Variants in CHI3L2 observed in about 807,000 individuals in gnomAD.
The protein encoded by CHI3L2 is chitinase-3-like protein 2.
In CHI3L2, 47 loss-of-function variants were observed where a neutral mutation model predicts 47.3. The observed-to-expected ratio is 0.99, with a 90% CI of 0.79 to 1.27. CHI3L2 has a LOEUF of 1.27. Ranked by LOEUF, CHI3L2 falls within the 50% of genes most tolerant of loss-of-function variation. CHI3L2 has a pLI of 0.00. For missense variants in CHI3L2, 497 were observed against 462.1 expected (o/e 1.08, Z -0.69); for synonymous variants, 198 against 169.9 (o/e 1.17, Z -1.28).
chr1:111,238,929 T>C lies in CHI3L2; in HGVS notation c.915T>C (p.Tyr305=), dbSNP rs751297966. The change falls in exon 8 of 11, where the codon TAT becomes TAC. Residue 305 remains tyrosine (Y), a synonymous_variant. Coordinates refer to ENST00000369748, the MANE Select transcript of CHI3L2 (RefSeq NM_004000.3). ...AGTCTTCAGGCTTCCTGGCCTATTATGAGGTACCTGGAAACCCCCTGTACC... is the reference window on the plus strand; with the variant it reads ...AGTCTTCAGGCTTCCTGGCCTATTACGAGGTACCTGGAAACCCCCTGTACC... ...ITESSGFLAY[Y]EICQFLKGAK... 21 of 1,590,304 alleles carry C rather than the reference T, an allele frequency of 1.3e-5. 1 individual carries two copies. In the South Asian group the frequency reaches 2.4e-4, roughly 18 times the overall value.
intron 2 of CHI3L2, 90 bp from the exon 3 acceptor site, chr1:111,230,652 G>A (rs1449608129): frequency 2.8e-6 from 3 of 1,067,098 alleles, no homozygotes; most frequent in African/African-American, 1.6e-5. Flanking sequence ...AGCAAATGAT[G>A]CAATGGCTGT....
At chr1:111,239,272 T>C (rs887893402) in intron 8 of CHI3L2, 2 of 214,336 alleles carry the variant, frequency 9.3e-6, no homozygotes, top group Non-Finnish European at 1.8e-5. Context: ...TAGGGAAGAC[T>C]GGAGGGAGAA....
chr1:111,242,196 A>C (rs1335616938), intron 9 of CHI3L2, 31 bp from the exon 10 acceptor site: 2 of 1,613,752 alleles, frequency 1.2e-6, no homozygotes, highest in African/African-American at 2.7e-5. Context: ...CACCCTTCGA[A>C]TCTCTGTGTA....
intron 10 of CHI3L2, 53 bp downstream of exon 10, chr1:111,242,419 C>A: frequency 2.6e-6 from 4 of 1,520,486 alleles, no homozygotes; most frequent in Non-Finnish European, 3.5e-6. Context: ...CAGAACAGGG[C>A]ACAGGAGACT....
At chr1:111,233,914 A>T (rs1415072771) in intron 4 of CHI3L2, among the ~76,000 whole-genome samples, 2 of 152,070 alleles carry the variant, frequency 1.3e-5, no homozygotes, top group South Asian at 2.1e-4. Flanking sequence ...GCTCTCTGAA[A>T]CATGTGCTGT....
chr1:111,234,129 A>G (rs564901964), intron 4 of CHI3L2, among the ~76,000 whole-genome samples: 4 of 148,790 alleles, frequency 2.7e-5, no homozygotes, highest in Non-Finnish European at 4.5e-5. Context: ...CCTTCCCTCC[A>G]CTATTGTCCT....
At chr1:111,243,023 G>T (rs765971210) in intron 10 of CHI3L2, among the ~76,000 whole-genome samples, 194 bp from the exon 11 acceptor site, 2 of 152,170 alleles carry the variant, frequency 1.3e-5, no homozygotes, top group Non-Finnish European at 2.9e-5. Flanking sequence ...GAAGCAGGGC[G>T]CTGGGGCTCA....
At chr1:111,234,001 G>A (rs1422252212) in intron 4 of CHI3L2, among the ~76,000 whole-genome samples, 2 of 147,618 alleles carry the variant, frequency 1.4e-5, no homozygotes, top group African/African-American at 2.5e-5. Context: ...CAGCATGCTC[G>A]TTAAGAGTCA....
In CHI3L2 at chr1:111,230,759, G is replaced by T. The variant is rs1470468372; in HGVS notation, c.88G>T (p.Val30Phe). The T allele has an allele frequency of 7.4e-6, 12 of 1,614,110 alleles. No homozygotes were observed. Among genetic ancestry groups the T allele is most frequent in the Non-Finnish European group, 1.0e-5 (12 of 1,180,020 alleles). ...TACTCCAGGATCTGCCTACAAACTG[G>T]TTTGCTACTTTACCAACTGGTCCCA... ...LLQGGSAYKL[V>F]CYFTNWSQDR... The change falls in exon 3 of 11, where the codon GTT (valine) becomes TTT (phenylalanine). Residue 30 changes from valine to phenylalanine, a missense_variant. Transcript: ENST00000369748.
chr1:111,235,779 C>G lies in CHI3L2; in HGVS notation c.605+16C>G, dbSNP rs371760954. The G allele has an allele frequency of 1.9e-5, 30 of 1,610,512 alleles. No individual in the cohort carries two copies. Among genetic ancestry groups the G allele is most frequent in the African/African-American group, 2.7e-5 (2 of 74,708 alleles). On this transcript the variant is annotated intron_variant, in intron 6 of 10. Transcript: ENST00000369748. ...AACTGGCAAAGTGAGTACATCAGAG[C>G]AACTTTCCATCCCTCTGCTTCCAAT... is the stretch of plus-strand genomic sequence containing the variant.
chr1:111,231,161 CT>C, intron 3 of CHI3L2, 76 bp from the exon 4 acceptor site: 1 of 1,300,942 alleles, frequency 7.7e-7, no homozygotes, highest in East Asian at 2.3e-5. Context: ...TTTCTCTACA[CT>C]TAAGAACTCT....
At chr1:111,241,488 A>T in intron 9 of CHI3L2, 45 bp downstream of exon 9, 1 of 977,228 alleles carries the variant, frequency 1.0e-6, no homozygotes, top group Non-Finnish European at 1.6e-6. Context: ...GGGAATGGTG[A>T]TATGTAGTAA....
intron 8 of CHI3L2, among the ~76,000 whole-genome samples, chr1:111,240,998 G>A (rs1660036824): frequency 6.6e-6 from 1 of 152,214 alleles, no homozygotes; most frequent in Non-Finnish European, 1.5e-5. Flanking sequence ...TATGTTGAAA[G>A]CATTATTATA....
intron 3 of CHI3L2, 59 bp downstream of exon 3, chr1:111,231,002 T>A: frequency 7.4e-7 from 1 of 1,352,758 alleles, no homozygotes; most frequent in Non-Finnish European, 1.1e-6. Flanking sequence ...AAGCTGGTCT[T>A]AAGCTGACAC....
In CHI3L2 at chr1:111,234,947, T is replaced by G. The variant is rs774293048; in HGVS notation, c.370T>G (p.Phe124Val). 4 of 1,614,224 alleles carry G rather than the reference T, an allele frequency of 2.5e-6. No homozygotes were observed. The highest frequency in any genetic ancestry group is 3.4e-6 in the Non-Finnish European group (4 of 1,180,032). ...GGATTCTTCTACATCACGCTTGGAA[T>G]TCATTAACTCCATAATCCTGTTTCT... ...MVDSSTSRLE[F>V]INSIILFLRN... Residue 124 changes from phenylalanine to valine, a missense_variant, in exon 5 of 11, where the codon TTC (phenylalanine) becomes GTC (valine). By Grantham distance (50) the Phe-to-Val change is conservative. Transcript: ENST00000369748.
intron 7 of CHI3L2, among the ~76,000 whole-genome samples, chr1:111,238,174 T>C (rs535539483): frequency 6.6e-6 from 1 of 152,380 alleles, no homozygotes; most frequent in Non-Finnish European, 1.5e-5. Flanking sequence ...TATGTTTCCC[T>C]GAAATGTATG....
rs376481560 is a variant in CHI3L2, at chr1:111,231,220, C to A, written c.273-18C>A. The A allele has an allele frequency of 3.1e-6, 5 of 1,594,730 alleles. No individual in the cohort carries two copies. Among genetic ancestry groups the A allele is most frequent in the Non-Finnish European group, 4.3e-6 (5 of 1,162,756 alleles). Reference sequence around the variant, plus strand: ...TGGCAGCCAGAAAATAAATAATCATCTTATTCTTCTACTTCAGGAATCCCA... The same window carrying A: ...TGGCAGCCAGAAAATAAATAATCATATTATTCTTCTACTTCAGGAATCCCA... On this transcript the variant is annotated intron_variant, in intron 3 of 10. Coordinates refer to ENST00000369748, the MANE Select transcript of CHI3L2 (RefSeq NM_004000.3).
At chr1:111,227,885 A>G in intron 1 of CHI3L2, 116 bp downstream of exon 1, 1 of 1,073,898 alleles carries the variant, frequency 9.3e-7, no homozygotes, top group South Asian at 1.4e-5. Context: ...CGTTGACCTT[A>G]GTGTCAAAAA....
chr1:111,230,380 A>T (rs577019412), intron 2 of CHI3L2, among the ~76,000 whole-genome samples: 2 of 151,998 alleles, frequency 1.3e-5, no homozygotes, highest in Non-Finnish European at 2.9e-5. Flanking sequence ...CAGCCTCCTT[A>T]GTAGCTGAGA....
Sources: allele counts gnomAD v4.1 joint callset (sites outside exome capture counted in the v4.1 genomes callset), GRCh38; gene constraint gnomAD v4.1.1; transcripts MANE v1.5; gene names NCBI Gene and HGNC (gene_info 2026-07-23, HGNC 2026-07-21).